Variants in AOAH observed in about 807,000 individuals in gnomAD.
AOAH encodes acyloxyacyl hydrolase.
Under a neutral mutation model 92.2 loss-of-function variants are expected in AOAH, and 64 were observed. The observed-to-expected ratio is 0.69, with a 90% CI of 0.57 to 0.86. The LOEUF (loss-of-function observed/expected upper bound fraction) is 0.86. Ranked by LOEUF, AOAH falls within the 40% of genes least tolerant of loss-of-function variation. AOAH has a pLI of 0.00. For synonymous variants in AOAH, 263 were observed against 254.5 expected, an observed-to-expected ratio of 1.03 and a Z score of -0.32; for missense variants, 656 against 694.6, an observed-to-expected ratio of 0.94 and a Z score of 0.62.
intron 11 of AOAH, among the ~76,000 whole-genome samples, chr7:36,608,505 C>T (rs1583930847): frequency 6.6e-6 from 1 of 152,264 alleles, no homozygotes; most frequent in Admixed American, 6.5e-5. Context: ...AATAAATAGT[C>T]CAATTTTTAA....
chr7:36,524,469 AC>A (rs2115872671), intron 19 of AOAH, among the ~76,000 whole-genome samples: 1 of 150,050 alleles, frequency 6.7e-6, no homozygotes, highest in South Asian at 2.1e-4. Flanking sequence ...ACATAGTGAA[AC>A]CCCGTCTCTA....
At chr7:36,678,594 T>C (rs1281562837) in intron 2 of AOAH, among the ~76,000 whole-genome samples, 33,410 of 138,774 alleles carry the variant, frequency 0.24, 4,637 homozygotes, top group African/African-American at 0.41. Flanking sequence ...TGTGTGTGTG[T>C]GTGTGTGCGC....
intron 6 of AOAH, among the ~76,000 whole-genome samples, chr7:36,626,373 A>G (rs544449730): frequency 6.6e-6 from 1 of 152,312 alleles, no homozygotes; most frequent in Admixed American, 6.5e-5. Context: ...TAAGATTGGA[A>G]AGCTGATTTA....
intron 19 of AOAH, among the ~76,000 whole-genome samples, chr7:36,522,523 T>C (rs1784158414): frequency 6.6e-6 from 1 of 152,252 alleles, no homozygotes. Flanking sequence ...TGCCTGCATG[T>C]GTCAAGCACT....
chr7:36,613,027 T>G (rs1487802208), intron 11 of AOAH, among the ~76,000 whole-genome samples: 1 of 134,920 alleles, frequency 7.4e-6, no homozygotes, highest in Non-Finnish European at 1.7e-5. Context: ...TTATATCTAG[T>G]TTTTTTTGTG....
chr7:36,722,220 A>G (rs936609685), intron 1 of AOAH, among the ~76,000 whole-genome samples: 1 of 152,184 alleles, frequency 6.6e-6, no homozygotes, highest in South Asian at 2.1e-4. Flanking sequence ...TATTATTGTA[A>G]TTTTTGATGC....
At chr7:36,583,276 G>A (rs1015026489) in intron 12 of AOAH, among the ~76,000 whole-genome samples, 11 of 152,152 alleles carry the variant, frequency 7.2e-5, no homozygotes, top group African/African-American at 4.8e-5. Context: ...ATAAACTTGG[G>A]TAACTTAGAG....
chr7:36,583,312 C>T (rs1300244406), intron 12 of AOAH, among the ~76,000 whole-genome samples: 4 of 152,040 alleles, frequency 2.6e-5, no homozygotes, highest in Non-Finnish European at 5.9e-5. Context: ...AGGCTTTATC[C>T]AGGGACCTTT....
chr7:36,570,990 C>T (rs1447756915), intron 13 of AOAH, among the ~76,000 whole-genome samples: 2 of 152,072 alleles, frequency 1.3e-5, no homozygotes, highest in South Asian at 2.1e-4. Flanking sequence ...AAGCAAATAA[C>T]GAACCATACA....
intron 2 of AOAH, among the ~76,000 whole-genome samples, chr7:36,676,619 T>C (rs1271192230): frequency 1.3e-5 from 2 of 152,070 alleles, no homozygotes; most frequent in Admixed American, 6.5e-5. Flanking sequence ...CTAACATTCA[T>C]ACGAAAAGTC....
chr7:36,573,884 TC>T (rs1788313540), intron 13 of AOAH, among the ~76,000 whole-genome samples: 1 of 152,214 alleles, frequency 6.6e-6, no homozygotes, highest in Admixed American at 6.5e-5. Flanking sequence ...ATTCAACTCT[TC>T]CCTTTTTCCC....
chr7:36,613,539 C>T (rs367804105), intron 11 of AOAH, among the ~76,000 whole-genome samples: 3 of 152,184 alleles, frequency 2.0e-5, no homozygotes, highest in Non-Finnish European at 4.4e-5. Flanking sequence ...TCTGCAGTTT[C>T]TATTCAATTG....
intron 13 of AOAH, among the ~76,000 whole-genome samples, chr7:36,575,719 T>C (rs1788451084): frequency 6.6e-6 from 1 of 152,238 alleles, no homozygotes; most frequent in Non-Finnish European, 1.5e-5. Flanking sequence ...TTATTCTGTA[T>C]AGAATATTTA....
intron 15 of AOAH, among the ~76,000 whole-genome samples, chr7:36,544,594 A>C (rs1785673344): frequency 6.6e-6 from 1 of 152,200 alleles, no homozygotes; most frequent in Non-Finnish European, 1.5e-5. Flanking sequence ...CCTGTGGCAC[A>C]GGGGCCACAC....
intron 20 of AOAH, among the ~76,000 whole-genome samples, chr7:36,517,368 G>A (rs1391886338): frequency 2.0e-5 from 3 of 151,032 alleles, no homozygotes; most frequent in African/African-American, 4.9e-5. Flanking sequence ...TCGGCTCACC[G>A]GAAGCTCCGC....
chr7:36,653,703 A>G (rs761431906), intron 4 of AOAH, among the ~76,000 whole-genome samples: 55 of 152,346 alleles, frequency 3.6e-4, no homozygotes, highest in Non-Finnish European at 6.3e-4. Context: ...CTCTCCACAC[A>G]GGGCTTACAT....
intron 19 of AOAH, among the ~76,000 whole-genome samples, chr7:36,530,149 G>C (rs1784604221): frequency 6.6e-6 from 1 of 152,182 alleles, no homozygotes; most frequent in South Asian, 2.1e-4. Flanking sequence ...CCAGCTCAAA[G>C]CTCTTTCTAA....
At chr7:36,552,021 G>A (rs547808302) in intron 13 of AOAH, among the ~76,000 whole-genome samples, 8 of 152,270 alleles carry the variant, frequency 5.3e-5, no homozygotes, top group African/African-American at 1.9e-4. Flanking sequence ...CAGGTACTGA[G>A]CATAGCAGAC....
rs561334187 is a variant in AOAH, at chr7:36,571,526, C to T, written c.1021+5048G>A. 2.8e-4 allele frequency among the ~76,000 whole-genome samples: 42 copies of T among 152,322 alleles called. No individual in the cohort carries two copies. The South Asian group carries it at 3.5e-3, about 13-fold the overall frequency. On this transcript the variant is annotated intron_variant, in intron 13 of 20. Coordinates refer to ENST00000617537, the MANE Select transcript of AOAH (RefSeq NM_001637.4). Reference sequence around the variant, plus strand: ...TAATTCCTATCCTTATCCCCTGGTTCCTCCCCAAGTGGAGTCCTGAGCCCA... The same window carrying T: ...TAATTCCTATCCTTATCCCCTGGTTTCTCCCCAAGTGGAGTCCTGAGCCCA...
Sources: allele counts gnomAD v4.1 joint callset (sites outside exome capture counted in the v4.1 genomes callset), GRCh38; gene constraint gnomAD v4.1.1; transcripts MANE v1.5; gene names NCBI Gene and HGNC (gene_info 2026-07-23, HGNC 2026-07-21).